The following SLC68A1 variants were observed in gnomAD, a reference collection of about 807,000 sequenced individuals.
SLC68A1 encodes the protein solute carrier family 68 member 1, also known as major facilitator superfamily domain containing 13A.
At chr10:102,471,317 G>A in the SLC68A1 span, 1 of 1,613,990 alleles carries the variant, frequency 6.2e-7, no homozygotes, top group Non-Finnish European at 8.5e-7. Context: ...GAGGCGGACA[G>A]CATCACCTTG....
the SLC68A1 span, chr10:102,470,711 C>G: frequency 6.2e-7 from 1 of 1,612,712 alleles, no homozygotes; most frequent in African/African-American, 1.3e-5. Flanking sequence ...GGCCCGGGTG[C>G]AGGCCCTGGG....
chr10:102,470,934 C>G, the SLC68A1 span: 1 of 1,613,414 alleles, frequency 6.2e-7, no homozygotes. Flanking sequence ...GCGGCCGGCT[C>G]CCTCTCTGTC....
the SLC68A1 span, chr10:102,473,567 C>T: frequency 1.3e-6 from 2 of 1,594,734 alleles, no homozygotes; most frequent in South Asian, 1.1e-5. Flanking sequence ...TCTTCCTCCC[C>T]AGGCCTCTCC....
At chr10:102,465,790 C>G in the SLC68A1 span, among the ~76,000 whole-genome samples, 2 of 152,166 alleles carry the variant, frequency 1.3e-5, no homozygotes, top group African/African-American at 4.8e-5. Context: ...TGGGAGAAGG[C>G]TGTTTCCCGA....
chr10:102,476,111 A>C, the SLC68A1 span: 3 of 1,369,486 alleles, frequency 2.2e-6, no homozygotes, highest in Non-Finnish European at 1.9e-6. Flanking sequence ...TTGCCCAAAA[A>C]AATGGATCTG....
the SLC68A1 span, among the ~76,000 whole-genome samples, chr10:102,473,325 C>T: frequency 6.6e-6 from 1 of 152,074 alleles, no homozygotes; most frequent in African/African-American, 2.4e-5. Flanking sequence ...ACTCTGTGCT[C>T]ATTTGGTGGG....
chr10:102,466,482 CA>C, the SLC68A1 span, among the ~76,000 whole-genome samples: 11,837 of 100,640 alleles, frequency 0.12, 460 homozygotes, highest in East Asian at 0.35. Context: ...GACTCCACCT[CA>C]AAAAAAAAAA....
the SLC68A1 span, chr10:102,476,581 C>T: frequency 2.0e-6 from 2 of 986,108 alleles, no homozygotes; most frequent in Non-Finnish European, 2.4e-6. Context: ...CGGGTAGCTC[C>T]TGGGGCTGAG....
chr10:102,473,914 C>A, the SLC68A1 span: 1 of 1,614,006 alleles, frequency 6.2e-7, no homozygotes, highest in Non-Finnish European at 8.5e-7. Context: ...CGCAAGCAGG[C>A]AGCCTCGGCA....
the SLC68A1 span, among the ~76,000 whole-genome samples, chr10:102,464,903 G>C: frequency 2.6e-5 from 4 of 151,832 alleles, no homozygotes; most frequent in African/African-American, 9.7e-5. Context: ...TAAATCACTT[G>C]AGGTCAGGAG....
chr10:102,473,702 G>A, the SLC68A1 span: 2 of 1,614,016 alleles, frequency 1.2e-6, no homozygotes, highest in East Asian at 2.2e-5. Flanking sequence ...TTGTTGGCCG[G>A]CCCGGACCAC....
the SLC68A1 span, among the ~76,000 whole-genome samples, chr10:102,466,758 C>G: frequency 6.6e-6 from 1 of 152,200 alleles, no homozygotes; most frequent in Non-Finnish European, 1.5e-5. Flanking sequence ...GGACAAATCA[C>G]TGGGCATCTG....
At chr10:102,471,600 A>G in the SLC68A1 span, among the ~76,000 whole-genome samples, 1 of 152,082 alleles carries the variant, frequency 6.6e-6, no homozygotes, top group Admixed American at 6.5e-5. Flanking sequence ...TAAAAATACA[A>G]AAATTAGCTG....
the SLC68A1 span, chr10:102,470,915 C>G: frequency 6.2e-7 from 1 of 1,613,388 alleles, no homozygotes; most frequent in Non-Finnish European, 8.5e-7. Flanking sequence ...CTACTGCTCC[C>G]TCTTCAGCGC....
chr10:102,473,625 G>A, the SLC68A1 span: 1 of 1,614,056 alleles, frequency 6.2e-7, no homozygotes, highest in South Asian at 1.1e-5. Context: ...CCCTGTGCCG[G>A]CGCTGGGGCG....
At chr10:102,463,083 C>A in the SLC68A1 span, among the ~76,000 whole-genome samples, 1 of 151,802 alleles carries the variant, frequency 6.6e-6, no homozygotes, top group Non-Finnish European at 1.5e-5. Context: ...AGGGGCCAAT[C>A]GACCCAGCAG....
chr10:102,467,712 G>A, the SLC68A1 span, among the ~76,000 whole-genome samples: 71,844 of 151,782 alleles, frequency 0.47, 17,636 homozygotes, highest in Middle Eastern at 0.62. Flanking sequence ...GCTAGAGTGC[G>A]TTGGCGCAAT....
At chr10:102,469,231 GGGGGT>G in the SLC68A1 span, 1 of 1,611,222 alleles carries the variant, frequency 6.2e-7, no homozygotes, top group Non-Finnish European at 8.5e-7. Flanking sequence ...ACATGGAGGA[GGGGGT>G]GGGGTGGAGA....
the SLC68A1 span, among the ~76,000 whole-genome samples, chr10:102,464,839 C>T: frequency 6.6e-6 from 1 of 150,802 alleles, no homozygotes; most frequent in East Asian, 2.0e-4. Flanking sequence ...CTACTGTGGG[C>T]CAGGCATAGT....
Sources: gnomAD v4.1 joint callset for allele counts (sites outside exome capture counted in the v4.1 genomes callset) on GRCh38, gnomAD v4.1.1 for gene constraint, MANE v1.5 for transcripts, NCBI Gene and HGNC (gene_info 2026-07-23, HGNC 2026-07-21) for gene names.